Variants in GPR39 observed in about 807,000 individuals in gnomAD.
GPR39 encodes G protein-coupled receptor 39.
GPR39 carries 23 observed loss-of-function variants against 18.4 expected under a neutral mutation model. That is an observed-to-expected ratio of 1.25 (90% CI 0.90 to 1.77). The LOEUF (loss-of-function observed/expected upper bound fraction) is 1.77. GPR39 is among the 40% of genes most tolerant of loss of function. The pLI, the probability that GPR39 is intolerant of heterozygous loss-of-function variation, is 0.00. For synonymous variants in GPR39, 280 were observed against 257.9 expected (o/e 1.09, Z -0.82); for missense variants, 647 against 602.4 (o/e 1.07, Z -0.78).
At chr2:132,619,621 C>G (rs1174388230) in intron 1 of GPR39, among the ~76,000 whole-genome samples, 1 of 152,168 alleles carries the variant, frequency 6.6e-6, no homozygotes, top group African/African-American at 2.4e-5. Context: ...TTTAGGAAGT[C>G]TCTGTCCCCT....
At chr2:132,473,347 C>T (rs1334471073) in intron 1 of GPR39, among the ~76,000 whole-genome samples, 1 of 152,316 alleles carries the variant, frequency 6.6e-6, no homozygotes, top group East Asian at 1.9e-4. Flanking sequence ...AGTAAATTAT[C>T]TAAGCCACTT....
intron 1 of GPR39, among the ~76,000 whole-genome samples, chr2:132,556,472 T>G (rs1680154643): frequency 6.6e-6 from 1 of 152,188 alleles, no homozygotes; most frequent in African/African-American, 2.4e-5. Flanking sequence ...TCTAAGCAAG[T>G]TCTTTCCCTG....
intron 1 of GPR39, among the ~76,000 whole-genome samples, chr2:132,528,216 G>A (rs1285659547): frequency 6.6e-6 from 1 of 152,150 alleles, no homozygotes; most frequent in Non-Finnish European, 1.5e-5. Flanking sequence ...TTTTTGTCAG[G>A]TTTGTTGAAG....
chr2:132,588,662 C>A (rs3109156), intron 1 of GPR39, among the ~76,000 whole-genome samples: 118,965 of 152,116 alleles, frequency 0.78, 46,613 homozygotes, highest in Admixed American at 0.81. Flanking sequence ...GTCTGCTTAC[C>A]TGGAAGCTCA....
chr2:132,627,201 T>G (rs1450857444), intron 1 of GPR39, among the ~76,000 whole-genome samples: 1 of 152,220 alleles, frequency 6.6e-6, no homozygotes, highest in East Asian at 1.9e-4. Context: ...TGCTTCTCTG[T>G]GTACCCACCT....
chr2:132,617,522 G>A (rs1283720308), intron 1 of GPR39, among the ~76,000 whole-genome samples: 1 of 151,990 alleles, frequency 6.6e-6, no homozygotes, highest in Non-Finnish European at 1.5e-5. Flanking sequence ...TATTTTTTAT[G>A]TGTTTATTGC....
At chr2:132,540,727 G>A (rs776552000) in intron 1 of GPR39, among the ~76,000 whole-genome samples, 1 of 151,614 alleles carries the variant, frequency 6.6e-6, no homozygotes, top group Non-Finnish European at 1.5e-5. Context: ...AGGCAATCTT[G>A]GTGTTACTGC....
rs6430365 is a variant in GPR39, at chr2:132,519,684, G to T, written c.856+101786G>T. ...GGGGAGTACATGAGGAAGAACAGCC[G>T]CTGATATTACCACTCCAATGGATGC... is the stretch of plus-strand genomic sequence containing the variant. On this transcript the variant is annotated intron_variant, in intron 1 of 1. Transcript: ENST00000329321. Among the ~76,000 whole-genome samples, 246 of 151,970 alleles carry T rather than the reference G, an allele frequency of 1.6e-3. 2 individuals carry two copies. The highest frequency in any genetic ancestry group is 5.6e-3 in the African/African-American group (231 of 41,414).
intron 1 of GPR39, among the ~76,000 whole-genome samples, chr2:132,465,188 C>CAAAAAAAA (rs929177880): frequency 6.9e-6 from 1 of 145,446 alleles, no homozygotes; most frequent in East Asian, 2.0e-4. Context: ...AAAACAAAAG[C>CAAAAAAAA]AAAAAAAAAA....
At chr2:132,457,909 A>G (rs949466497) in intron 1 of GPR39, among the ~76,000 whole-genome samples, 3 of 152,250 alleles carry the variant, frequency 2.0e-5, no homozygotes, top group Non-Finnish European at 4.4e-5. Context: ...AGCAGTGAGC[A>G]AGGCTCCGTG....
At chr2:132,442,921 G>A (rs1680466649) in intron 1 of GPR39, among the ~76,000 whole-genome samples, 1 of 152,110 alleles carries the variant, frequency 6.6e-6, no homozygotes, top group African/African-American at 2.4e-5. Flanking sequence ...CAACTGGAGA[G>A]GCATGGACTG....
chr2:132,645,004 C>CA, intron 1 of GPR39, 97 bp from the exon 2 acceptor site: 3 of 1,401,890 alleles, frequency 2.1e-6, no homozygotes, highest in Non-Finnish European at 2.9e-6. Flanking sequence ...AAGCACAGAA[C>CA]AGAGGGGCTA....
intron 1 of GPR39, among the ~76,000 whole-genome samples, chr2:132,427,018 T>G (rs1246800325): frequency 6.6e-6 from 1 of 150,918 alleles, no homozygotes; most frequent in Non-Finnish European, 1.5e-5. Context: ...ATAAAACACT[T>G]TACACAGGGT....
intron 1 of GPR39, among the ~76,000 whole-genome samples, chr2:132,614,518 C>T (rs547625097): frequency 3.4e-4 from 51 of 152,152 alleles, no homozygotes; most frequent in African/African-American, 1.2e-3. Context: ...GGATTATAGG[C>T]ATGAGCCACC....
intron 1 of GPR39, among the ~76,000 whole-genome samples, chr2:132,591,271 A>C (rs1171423329): frequency 3.3e-5 from 4 of 122,740 alleles, no homozygotes; most frequent in Admixed American, 8.8e-5. Context: ...AAAAAAAAAA[A>C]AAAAAACAAA....
At chr2:132,597,527 C>G (rs1184595191) in intron 1 of GPR39, among the ~76,000 whole-genome samples, 1 of 152,106 alleles carries the variant, frequency 6.6e-6, no homozygotes, top group African/African-American at 2.4e-5. Context: ...TCAGTGGACT[C>G]TAAAATTTCT....
rs1252802489 is a variant in GPR39, at chr2:132,554,138, G to A, written c.857-90963G>A. Among the ~76,000 whole-genome samples, 28 of 152,290 alleles carry A rather than the reference G, an allele frequency of 1.8e-4. 1 individual carries two copies. The highest frequency in any genetic ancestry group is 1.5e-3 in the South Asian group (7 of 4,824). On this transcript the variant is annotated intron_variant, in intron 1 of 1. Coordinates refer to ENST00000329321, the MANE Select transcript of GPR39 (RefSeq NM_001508.3). ...TTGGGAGAAAGCCTAATGATCCAAA[G>A]CAAGCTGAATGGAGTCAGTAGACAT...
chr2:132,552,210 T>A (rs963757572), intron 1 of GPR39, among the ~76,000 whole-genome samples: 1 of 152,336 alleles, frequency 6.6e-6, no homozygotes. Context: ...TTTGGATATA[T>A]GTCCTTACCA....
In GPR39 at chr2:132,495,281, A is replaced by G. The variant is rs11889178; in HGVS notation, c.856+77383A>G. Among the ~76,000 whole-genome samples the G allele has an allele frequency of 7.9e-3, 1,201 of 152,288 alleles. 15 individuals are homozygous for G. Among genetic ancestry groups the G allele is most frequent in the African/African-American group, 0.027 (1,102 of 41,550 alleles). On this transcript the variant is annotated intron_variant, in intron 1 of 1. Transcript: ENST00000329321. ...CAAGTGAACCTTACATTTGTCAAGA[A>G]AGATTTGAGTGTGGCAGTGGCTTTT...
Sources: gnomAD v4.1 joint callset for allele counts (sites outside exome capture counted in the v4.1 genomes callset) on GRCh38, gnomAD v4.1.1 for gene constraint, MANE v1.5 for transcripts, NCBI Gene and HGNC (gene_info 2026-07-23, HGNC 2026-07-21) for gene names.